The following SLC35F4 variants were observed in gnomAD, a reference collection of about 807,000 sequenced individuals.
SLC35F4 encodes solute carrier family 35 member F4.
In SLC35F4, 24 loss-of-function variants were observed where a neutral mutation model predicts 44.2. That is an observed-to-expected ratio of 0.54 (90% confidence interval 0.39 to 0.76). SLC35F4 has a LOEUF of 0.76. SLC35F4 is among the 30% of genes least tolerant of loss of function. SLC35F4 has a pLI of 0.00. For missense variants in SLC35F4, 562 were observed against 586.1 expected (o/e 0.96, Z 0.42); for synonymous variants, 238 against 223.6 (o/e 1.06, Z -0.57).
chr14:57,651,339 T>C (rs536116205), intron 1 of SLC35F4, among the ~76,000 whole-genome samples: 4 of 152,184 alleles, frequency 2.6e-5, no homozygotes, highest in Non-Finnish European at 5.9e-5. Flanking sequence ...GTATTCTGAC[T>C]ACCAAGAATT....
intron 1 of SLC35F4, among the ~76,000 whole-genome samples, chr14:57,709,056 A>C (rs577283918): frequency 2.0e-5 from 3 of 152,328 alleles, no homozygotes; most frequent in African/African-American, 7.2e-5. Flanking sequence ...GTGACCACTG[A>C]AGCACAGCAT....
chr14:57,582,259 G>A (rs534102402), intron 3 of SLC35F4, among the ~76,000 whole-genome samples: 2 of 151,986 alleles, frequency 1.3e-5, no homozygotes, highest in Non-Finnish European at 2.9e-5. Context: ...GCGGTAGCAT[G>A]ATCTTGGCTC....
At chr14:57,731,246 C>G (rs1412209671) in intron 1 of SLC35F4, among the ~76,000 whole-genome samples, 1 of 152,144 alleles carries the variant, frequency 6.6e-6, no homozygotes, top group African/African-American at 2.4e-5. Flanking sequence ...CCAGAATCTT[C>G]TTTAATAAGT....
chr14:57,622,335 T>C (rs1414584332), intron 1 of SLC35F4, among the ~76,000 whole-genome samples: 3 of 144,496 alleles, frequency 2.1e-5, no homozygotes, highest in African/African-American at 7.8e-5. Flanking sequence ...CCCAAAGGAC[T>C]ATAAATCATG....
chr14:57,854,728 T>C (rs933922391), intron 1 of SLC35F4, among the ~76,000 whole-genome samples: 4 of 152,330 alleles, frequency 2.6e-5, no homozygotes, highest in African/African-American at 9.6e-5. Flanking sequence ...ATTTGCCTCA[T>C]CTCTTTTAGT....
At chr14:57,802,851 A>T (rs140873061) in intron 1 of SLC35F4, among the ~76,000 whole-genome samples, 66 of 152,266 alleles carry the variant, frequency 4.3e-4, no homozygotes, top group Middle Eastern at 3.4e-3. Context: ...CCAGGACCAG[A>T]TGGATTCACA....
At chr14:57,920,468 G>C (rs545108531) in intron 1 of SLC35F4, among the ~76,000 whole-genome samples, 9 of 152,190 alleles carry the variant, frequency 5.9e-5, no homozygotes, top group Non-Finnish European at 1.0e-4. Context: ...AGCTATTCAG[G>C]AGGCTAAGGC....
At chr14:57,622,293 T>G (rs1333633064) in intron 1 of SLC35F4, among the ~76,000 whole-genome samples, 1 of 139,166 alleles carries the variant, frequency 7.2e-6, no homozygotes, top group South Asian at 2.4e-4. Context: ...AGAAATACCA[T>G]TTGACCCAGC....
At chr14:57,970,673 G>C (rs1240866726) in intron 1 of SLC35F4, among the ~76,000 whole-genome samples, 2 of 152,130 alleles carry the variant, frequency 1.3e-5, no homozygotes. Flanking sequence ...TTATAATTAG[G>C]ACAAAGCCTG....
At chr14:57,619,689 G>A (rs2072066547) in intron 1 of SLC35F4, among the ~76,000 whole-genome samples, 1 of 152,078 alleles carries the variant, frequency 6.6e-6, no homozygotes. Context: ...CGTAGAATGA[G>A]TTTGACAAAT....
chr14:57,754,269 A>AT (rs1288502940), intron 1 of SLC35F4, among the ~76,000 whole-genome samples: 2 of 151,416 alleles, frequency 1.3e-5, no homozygotes, highest in Admixed American at 6.6e-5. Context: ...GGCCTAGCTG[A>AT]TTTTTTTGTA....
chr14:57,692,731 T>C (rs1364720527), intron 1 of SLC35F4, among the ~76,000 whole-genome samples: 2 of 152,106 alleles, frequency 1.3e-5, no homozygotes, highest in East Asian at 3.9e-4. Flanking sequence ...CTTCTTTTTG[T>C]TCATACCTGA....
intron 1 of SLC35F4, among the ~76,000 whole-genome samples, chr14:57,606,778 G>T (rs186471501): frequency 2.0e-3 from 310 of 152,224 alleles, no homozygotes; most frequent in Middle Eastern, 6.8e-3. Flanking sequence ...CTTCCAAATG[G>T]CCCTGGTGAG....
intron 1 of SLC35F4, among the ~76,000 whole-genome samples, chr14:57,642,695 T>C (rs1207767986): frequency 6.6e-6 from 1 of 151,944 alleles, no homozygotes; most frequent in African/African-American, 2.4e-5. Flanking sequence ...ACAGATATGG[T>C]ATATAGGGCA....
chr14:57,678,047 G>A (rs889728338), intron 1 of SLC35F4, among the ~76,000 whole-genome samples: 1 of 151,952 alleles, frequency 6.6e-6, no homozygotes, highest in African/African-American at 2.4e-5. Flanking sequence ...TCCTTGAGAA[G>A]AGCAACCCCA....
rs36212594 is a variant in SLC35F4, at chr14:57,738,748, C to CATATAT, written c.103+126969_103+126974dup. Among the ~76,000 whole-genome samples the CATATAT allele has an allele frequency of 8.9e-3, 978 of 110,014 alleles. 7 individuals are homozygous for CATATAT. The highest frequency in any genetic ancestry group is 0.013 in the Non-Finnish European group (683 of 53,940). The allele number at this position is 110,014 out of a possible 152,430, so 72.2% of individuals were successfully genotyped here. A position where few individuals can be genotyped will look rare whatever the true frequency, so the allele number is the denominator to read the frequency against. ...CTTTATTTCATAATATTTGAATTTT[C>CATATAT]ATATATATATATATATATATATATA... On this transcript the variant is annotated intron_variant, in intron 1 of 7. Transcript: ENST00000556826.
intron 1 of SLC35F4, among the ~76,000 whole-genome samples, chr14:57,606,803 G>A (rs191768641): frequency 6.6e-6 from 1 of 152,288 alleles, no homozygotes; most frequent in Admixed American, 6.5e-5. Flanking sequence ...TTGATTGGTA[G>A]ATTTGACAAC....
At chr14:57,846,960 T>G (rs867532092) in intron 1 of SLC35F4, among the ~76,000 whole-genome samples, 17 of 152,344 alleles carry the variant, frequency 1.1e-4, no homozygotes, top group African/African-American at 3.6e-4. Flanking sequence ...CTACTCAAAG[T>G]GCACTCTGCA....
chr14:57,680,484 C>T (rs1449772902), intron 1 of SLC35F4, among the ~76,000 whole-genome samples: 1 of 152,092 alleles, frequency 6.6e-6, no homozygotes, highest in Non-Finnish European at 1.5e-5. Context: ...TGCCCTCTCT[C>T]ACCACTCCTA....
Sources: gnomAD v4.1 joint callset for allele counts (sites outside exome capture counted in the v4.1 genomes callset) on GRCh38, gnomAD v4.1.1 for gene constraint, MANE v1.5 for transcripts, NCBI Gene and HGNC (gene_info 2026-07-23, HGNC 2026-07-21) for gene names.